The following AKR1B15 variants were observed in gnomAD, a reference collection of about 807,000 sequenced individuals.
AKR1B15 encodes the protein aldo-keto reductase family 1 member B15, also known as estradiol 17-beta-dehydrogenase AKR1B15.
Under a neutral mutation model 38.5 loss-of-function variants are expected in AKR1B15, and 49 were observed. That is an observed-to-expected ratio of 1.27 (90% CI 1.01 to 1.62). The LOEUF (loss-of-function observed/expected upper bound fraction) is 1.62, where lower values mean the gene tolerates loss of function less well. AKR1B15 is among the 40% of genes most tolerant of loss of function. The pLI is 0.00. For missense variants in AKR1B15, 411 were observed against 381.6 expected, an observed-to-expected ratio of 1.08 and a Z score of -0.64; for synonymous variants, 137 against 135.5, an observed-to-expected ratio of 1.01 and a Z score of -0.08.
intron 6 of AKR1B15, chr7:134,573,570 C>A: frequency 2.0e-6 from 2 of 984,052 alleles, no homozygotes; most frequent in South Asian, 4.7e-5. Context: ...GACCCACAAC[C>A]AGTTCAGTAG....
intron 2 of AKR1B15, among the ~76,000 whole-genome samples, chr7:134,558,352 C>G (rs1456708242): frequency 1.3e-5 from 2 of 152,180 alleles, no homozygotes; most frequent in East Asian, 3.8e-4. Context: ...CCATTTTACC[C>G]ACTGGGTAGA....
At chr7:134,565,782 A>G (rs1794519693) in intron 3 of AKR1B15, among the ~76,000 whole-genome samples, 1 of 152,104 alleles carries the variant, frequency 6.6e-6, no homozygotes, top group Non-Finnish European at 1.5e-5. Flanking sequence ...TCAAATTTCA[A>G]GCAGAGTTGG....
At position 134,579,554 on chromosome 7, in the gene AKR1B15, G is replaced by C; in HGVS notation, c.*5G>C. ...CCCTTCGATGCAGAATATTGAGGTT[G>C]AATCTCCTGGTGAGATTACACAGGG... On this transcript the variant is annotated 3_prime_UTR_variant, in exon 12 of 12. Coordinates refer to ENST00000457545, the MANE Select transcript of AKR1B15 (RefSeq NM_001080538.3). 1.3e-6 allele frequency: 2 copies of C among 1,595,834 alleles called. No homozygotes were observed. Among genetic ancestry groups the C allele is most frequent in the Admixed American group, 3.4e-5 (2 of 58,272 alleles).
At chr7:134,575,310 C>T in intron 6 of AKR1B15, 110 bp from the exon 7 acceptor site, 11 of 1,480,484 alleles carry the variant, frequency 7.4e-6, no homozygotes, top group Non-Finnish European at 9.0e-6. Flanking sequence ...CTTCAGCTAA[C>T]TCTGTTGCGG....
chr7:134,563,055 A>G (rs1462711304), intron 2 of AKR1B15, among the ~76,000 whole-genome samples: 1 of 149,982 alleles, frequency 6.7e-6, no homozygotes. Context: ...CCTACTTTCC[A>G]ACTTTGGGCT....
At chr7:134,562,614 A>G (rs1794429136) in intron 2 of AKR1B15, among the ~76,000 whole-genome samples, 1 of 152,252 alleles carries the variant, frequency 6.6e-6, no homozygotes. Flanking sequence ...TCCTAGCTAC[A>G]GAGTGCTGAT....
intron 10 of AKR1B15, 65 bp downstream of exon 10, chr7:134,577,111 C>T (rs1191363859): frequency 3.4e-6 from 5 of 1,473,940 alleles, no homozygotes; most frequent in Admixed American, 1.7e-5. Context: ...GACCTTCTCA[C>T]TAGGCTTCTC....
intron 10 of AKR1B15, 109 bp from the exon 11 acceptor site, chr7:134,577,595 C>A (rs1794792582): frequency 2.4e-6 from 3 of 1,265,212 alleles, no homozygotes; most frequent in Non-Finnish European, 3.4e-6. Context: ...ACTCCTATGG[C>A]CAGTTTGTGC....
intron 4 of AKR1B15, among the ~76,000 whole-genome samples, chr7:134,569,032 G>A (rs1342444965): frequency 1.3e-5 from 2 of 152,098 alleles, no homozygotes; most frequent in Non-Finnish European, 2.9e-5. Flanking sequence ...CAGATAAAGG[G>A]CCATCTATTC....
intron 3 of AKR1B15, chr7:134,565,480 C>G: frequency 6.2e-7 from 1 of 1,613,482 alleles, no homozygotes; most frequent in Non-Finnish European, 8.5e-7. Flanking sequence ...CCGCACCAAC[C>G]ATGGCCACGT....
At chr7:134,549,396 C>T (rs1413683940) in intron 1 of AKR1B15, 147 bp downstream of exon 1, 1 of 152,170 alleles carries the variant, frequency 6.6e-6, no homozygotes, top group Admixed American at 6.6e-5. Flanking sequence ...CTCTCTCTCT[C>T]TATCTCTTCT....
intron 10 of AKR1B15, 29 bp from the exon 11 acceptor site, chr7:134,577,675 A>G: frequency 6.2e-7 from 1 of 1,609,156 alleles, no homozygotes; most frequent in Non-Finnish European, 8.5e-7. Flanking sequence ...AGCCTTACCG[A>G]TAATGTATTG....
In AKR1B15 at chr7:134,564,298, A is replaced by G. The variant is rs192218799; in HGVS notation, c.-22-300A>G. The stretch of plus-strand genomic sequence containing the variant: ...AGTTCTAAATAGACTCTTTGACAGC[A>G]GTGACTCTCCAAAACCACTGAGGCC... On this transcript the variant is annotated intron_variant, in intron 2 of 11. Transcript: ENST00000457545. Among the ~76,000 whole-genome samples the G allele has an allele frequency of 8.5e-4, 129 of 152,348 alleles. 3 individuals carry two copies. Among genetic ancestry groups the G allele is most frequent in the Admixed American group, 6.7e-3 (102 of 15,304 alleles).
At chr7:134,551,484 C>T (rs1377270024) in intron 1 of AKR1B15, among the ~76,000 whole-genome samples, 1 of 152,206 alleles carries the variant, frequency 6.6e-6, no homozygotes, top group Non-Finnish European at 1.5e-5. Context: ...TCCTTTCATC[C>T]CTTTTCACCT....
intron 1 of AKR1B15, among the ~76,000 whole-genome samples, chr7:134,554,106 A>T (rs1211687509): frequency 1.3e-5 from 2 of 152,218 alleles, no homozygotes; most frequent in Non-Finnish European, 2.9e-5. Flanking sequence ...AGCAGGAAAG[A>T]GTGTCAACAA....
In AKR1B15 at chr7:134,568,148, T is replaced by C. The variant is rs803473; in HGVS notation, c.151-10T>C. 1.5e-5 allele frequency: 24 copies of C among 1,613,862 alleles called. No individual in the cohort carries two copies. In the Admixed American group the frequency reaches 4.0e-4, roughly 27 times the overall value. The stretch of plus-strand genomic sequence containing the variant: ...ATACATGTGTGATGGGCTTTTCTTT[T>C]GCTTTTCAGTCTCTTCTCGGCAAAG... On this transcript the variant is annotated splice_polypyrimidine_tract_variant and intron_variant, in intron 3 of 11. Transcript: ENST00000457545.
intron 9 of AKR1B15, among the ~76,000 whole-genome samples, chr7:134,576,661 C>T (rs1330716833): frequency 6.6e-6 from 1 of 151,842 alleles, no homozygotes; most frequent in African/African-American, 2.4e-5. Flanking sequence ...AGCCCAGTGG[C>T]AAAGCATGGC....
At chr7:134,571,976 G>T (rs1232206494) in intron 6 of AKR1B15, among the ~76,000 whole-genome samples, 11 of 152,180 alleles carry the variant, frequency 7.2e-5, no homozygotes, top group Non-Finnish European at 2.9e-5. Flanking sequence ...GAGGGTTTGG[G>T]CCTGGGTTTG....
Position 134,579,491 on chromosome 7 carries a change from TTCTC to T in AKR1B15, c.993-8_993-5del. 2 of 1,566,386 alleles carry T rather than the reference TTCTC, an allele frequency of 1.3e-6. No individual in the cohort carries two copies. The highest frequency in any genetic ancestry group is 1.7e-6 in the Non-Finnish European group (2 of 1,157,448). On this transcript the variant is annotated splice_polypyrimidine_tract_variant and intron_variant, in intron 11 of 11. Transcript: ENST00000457545. ...GATGGAACACAGTTTCTTTTTTTTTTTCTCTCTCTCTGTAGATTCTCTCATTTGG... is the reference window on the plus strand; with the variant it reads ...GATGGAACACAGTTTCTTTTTTTTTTTCTCTCTGTAGATTCTCTCATTTGG...
Sources: gnomAD v4.1 joint callset for allele counts (sites outside exome capture counted in the v4.1 genomes callset) on GRCh38, gnomAD v4.1.1 for gene constraint, MANE v1.5 for transcripts, NCBI Gene and HGNC (gene_info 2026-07-23, HGNC 2026-07-21) for gene names.